CPQ: variants seen among roughly 807,000 people sequenced by gnomAD.
CPQ encodes the protein Ser-Met dipeptidase.
A neutral mutation model predicts 45.7 loss-of-function variants in CPQ; 37 were observed. The ratio of observed to expected loss-of-function variants is 0.81; its 90% CI spans 0.62 to 1.07. The LOEUF is 1.07. Ranked by LOEUF, CPQ falls within the 50% of genes least tolerant of loss-of-function variation. The pLI is 0.00. For missense variants in CPQ, 537 were observed against 572.9 expected (o/e 0.94, Z 0.64); for synonymous variants, 186 against 205.8 (o/e 0.90, Z 0.82).
chr8:96,829,965 C>T lies in CPQ; in HGVS notation c.434-5008C>T, dbSNP rs185443210. ...TTGATCTGTAAGGCATATTCTTCCA[C>T]GAAAAGGACATTGCACAATCACAAT... is the stretch of plus-strand genomic sequence containing the variant. On this transcript the variant is annotated intron_variant, in intron 2 of 7. Transcript: ENST00000220763. Among the ~76,000 whole-genome samples, 718 of 152,224 alleles carry T rather than the reference C, an allele frequency of 4.7e-3. 3 individuals are homozygous for T. The highest frequency in any genetic ancestry group is 7.7e-3 in the Non-Finnish European group (521 of 68,014).
chr8:96,717,018 GATATAAAT>G (rs1809683208), intron 1 of CPQ, among the ~76,000 whole-genome samples: 1 of 79,852 alleles, frequency 1.3e-5, no homozygotes, highest in Non-Finnish European at 2.3e-5. Context: ...AGTATTCCAT[GATATAAAT>G]ATATATATAT....
chr8:96,648,029 T>A (rs1224035273), intron 1 of CPQ, among the ~76,000 whole-genome samples: 4 of 152,186 alleles, frequency 2.6e-5, no homozygotes, highest in Non-Finnish European at 5.9e-5. Context: ...AATGCCTACA[T>A]CTGTGTAATC....
At chr8:97,066,264 A>AG in intron 7 of CPQ, 54 bp downstream of exon 7, 1 of 1,534,086 alleles carries the variant, frequency 6.5e-7, no homozygotes, top group Non-Finnish European at 8.8e-7. Context: ...AATTTAAAAT[A>AG]AAATTTCTGT....
intron 1 of CPQ, among the ~76,000 whole-genome samples, chr8:96,673,689 A>C (rs1276627308): frequency 6.6e-6 from 1 of 152,156 alleles, no homozygotes; most frequent in Non-Finnish European, 1.5e-5. Flanking sequence ...TCTGAACATA[A>C]GATGGGACTT....
chr8:97,063,014 G>A (rs546428447), intron 6 of CPQ, among the ~76,000 whole-genome samples: 25 of 152,256 alleles, frequency 1.6e-4, no homozygotes, highest in African/African-American at 6.0e-4. Flanking sequence ...GGCTTGCTGG[G>A]TTGAATGGTA....
At chr8:97,119,925 G>A (rs1487927827) in intron 7 of CPQ, among the ~76,000 whole-genome samples, 1 of 152,164 alleles carries the variant, frequency 6.6e-6, no homozygotes, top group African/African-American at 2.4e-5. Flanking sequence ...GGGGCCTTCT[G>A]GGCACATGAG....
At position 97,122,884 on chromosome 8, in the gene CPQ, C is replaced by CAATAAAATAAAATAA. The variant is rs1193951271; in HGVS notation, c.1256-20104_1256-20090dup. On this transcript the variant is annotated intron_variant, in intron 7 of 7. Coordinates refer to ENST00000220763, the MANE Select transcript of CPQ (RefSeq NM_016134.4). Reference sequence around the variant, plus strand: ...TGGGCAACAGAGTGAAACTCTGTCTCAATAAAATAAAATAAAATAAAATAA... The same window carrying CAATAAAATAAAATAA: ...TGGGCAACAGAGTGAAACTCTGTCTCAATAAAATAAAATAAAATAAAATAAAATAAAATAAAATAA... 8.2e-4 allele frequency among the ~76,000 whole-genome samples: 58 copies of CAATAAAATAAAATAA among 71,142 alleles called. 3 individuals are homozygous for CAATAAAATAAAATAA. Among genetic ancestry groups the CAATAAAATAAAATAA allele is most frequent in the African/African-American group, 4.6e-3 (55 of 11,968 alleles). 46.7% of individuals were successfully genotyped at this position (71,142 alleles called of 152,430 possible). A position where few individuals can be genotyped will look rare whatever the true frequency, so the allele number is the denominator to read the frequency against.
intron 7 of CPQ, 152 bp from the exon 8 acceptor site, chr8:97,142,868 G>A: frequency 1.5e-6 from 1 of 650,218 alleles, no homozygotes; most frequent in Non-Finnish European, 2.6e-6. Context: ...GTGACACATG[G>A]ACATTTCTTG....
intron 4 of CPQ, among the ~76,000 whole-genome samples, chr8:96,924,039 T>C (rs1196836386): frequency 2.6e-5 from 4 of 152,228 alleles, no homozygotes; most frequent in Non-Finnish European, 5.9e-5. Flanking sequence ...GCCCTCCCAG[T>C]AGGCTTTGCA....
At chr8:96,992,592 A>G (rs1809113245) in intron 5 of CPQ, among the ~76,000 whole-genome samples, 1 of 152,162 alleles carries the variant, frequency 6.6e-6, no homozygotes, top group African/African-American at 2.4e-5. Context: ...TTATTGTATA[A>G]TAGGGACAAT....
intron 4 of CPQ, among the ~76,000 whole-genome samples, chr8:96,934,399 G>GC (rs1813017009): frequency 6.6e-6 from 1 of 152,108 alleles, no homozygotes; most frequent in African/African-American, 2.4e-5. Flanking sequence ...GGCATTCCAG[G>GC]CAGGGGCATG....
chr8:96,780,447 A>G (rs1297681811), intron 1 of CPQ, among the ~76,000 whole-genome samples: 7 of 152,206 alleles, frequency 4.6e-5, no homozygotes, highest in African/African-American at 1.4e-4. Context: ...GTGAAGTTCA[A>G]TGCAGCTAGA....
chr8:96,672,083 G>A (rs1407544478), intron 1 of CPQ, among the ~76,000 whole-genome samples: 1 of 103,762 alleles, frequency 9.6e-6, no homozygotes, highest in Non-Finnish European at 2.3e-5. Flanking sequence ...AGCTTTCTAT[G>A]TAATAAAAAT....
chr8:96,805,991 G>T (rs1278512422), intron 2 of CPQ, among the ~76,000 whole-genome samples: 1 of 152,140 alleles, frequency 6.6e-6, no homozygotes, highest in Non-Finnish European at 1.5e-5. Flanking sequence ...ATCAGCCATA[G>T]GATTTCATAA....
At chr8:96,745,287 G>A (rs1172410888) in intron 1 of CPQ, among the ~76,000 whole-genome samples, 6 of 151,820 alleles carry the variant, frequency 4.0e-5, no homozygotes, top group East Asian at 1.9e-4. Context: ...CAGCCTGGGC[G>A]ACAGAGCAAG....
At chr8:96,744,120 T>A (rs1476149248) in intron 1 of CPQ, among the ~76,000 whole-genome samples, 1 of 152,256 alleles carries the variant, frequency 6.6e-6, no homozygotes. Flanking sequence ...GTGCTAGCAA[T>A]CAGCAAGACT....
rs112226667 is a variant in CPQ, at chr8:97,072,112, G to T, written c.1255+5902G>T. Among the ~76,000 whole-genome samples the T allele has an allele frequency of 2.7e-3, 409 of 152,252 alleles. 1 individual carries two copies. Among genetic ancestry groups the T allele is most frequent in the Non-Finnish European group, 4.5e-3 (303 of 68,016 alleles). Reference sequence around the variant, plus strand: ...TGACATATGTCTGTGGCTAAATCATGCAGAGGCGATAGAGTGGAATTACCT... The same window carrying T: ...TGACATATGTCTGTGGCTAAATCATTCAGAGGCGATAGAGTGGAATTACCT... On this transcript the variant is annotated intron_variant, in intron 7 of 7. Coordinates refer to ENST00000220763, the MANE Select transcript of CPQ (RefSeq NM_016134.4).
chr8:96,874,980 C>A (rs1379842997), intron 3 of CPQ, among the ~76,000 whole-genome samples: 2 of 151,850 alleles, frequency 1.3e-5, no homozygotes, highest in Non-Finnish European at 3.0e-5. Context: ...TTCTCCACAT[C>A]CTCCCCAATG....
intron 1 of CPQ, among the ~76,000 whole-genome samples, chr8:96,777,760 ATTTTTTTTTTTTTTTTTTT>A (rs1163639654): frequency 2.1e-4 from 3 of 14,060 alleles, no homozygotes; most frequent in Non-Finnish European, 3.5e-4. Context: ...ATATATATAT[ATTTTTTTTTTTTTTTTTTT>A]TTTTTTTTTT....
Sources: allele counts gnomAD v4.1 joint callset (sites outside exome capture counted in the v4.1 genomes callset), GRCh38; gene constraint gnomAD v4.1.1; transcripts MANE v1.5; gene names NCBI Gene and HGNC (gene_info 2026-07-23, HGNC 2026-07-21).